EHHADH: variants seen among roughly 807,000 people sequenced by gnomAD.
EHHADH encodes the protein peroxisomal bifunctional enzyme.
EHHADH carries 48 observed loss-of-function variants against 64.4 expected under a neutral mutation model. That is an observed-to-expected ratio of 0.75 (90% CI 0.59 to 0.95). EHHADH has a LOEUF of 0.95. Ranked by LOEUF, EHHADH falls within the 40% of genes least tolerant of loss-of-function variation. EHHADH has a pLI of 0.00. For synonymous variants in EHHADH, 308 were observed against 326.7 expected (o/e 0.94, Z 0.62); for missense variants, 854 against 876.6 (o/e 0.97, Z 0.33).
At chr3:185,215,544 T>A (rs1210313429) in intron 5 of EHHADH, among the ~76,000 whole-genome samples, 3 of 152,184 alleles carry the variant, frequency 2.0e-5, no homozygotes, top group African/African-American at 7.2e-5. Flanking sequence ...AGAATACTTT[T>A]TAGGGTGATA....
intron 5 of EHHADH, among the ~76,000 whole-genome samples, chr3:185,206,829 A>C (rs1391004953): frequency 1.3e-5 from 2 of 151,488 alleles, no homozygotes; most frequent in Non-Finnish European, 2.9e-5. Context: ...CTCTGTCTCC[A>C]AAAAAAACAG....
At chr3:185,217,741 T>C (rs1004451412) in intron 5 of EHHADH, among the ~76,000 whole-genome samples, 2 of 144,666 alleles carry the variant, frequency 1.4e-5, no homozygotes, top group African/African-American at 5.1e-5. Flanking sequence ...TTTTTCTTTA[T>C]AAATTACCCA....
chr3:185,204,775 G>A lies in EHHADH; in HGVS notation c.569-18C>T, dbSNP rs1256409409. The A allele has an allele frequency of 6.4e-7, 1 of 1,564,042 alleles. No homozygotes were observed. Among genetic ancestry groups the A allele is most frequent in the Non-Finnish European group, 8.7e-7 (1 of 1,149,146 alleles). On this transcript the variant is annotated intron_variant, in intron 5 of 6. Coordinates refer to ENST00000231887, the MANE Select transcript of EHHADH (RefSeq NM_001966.4). The stretch of plus-strand genomic sequence containing the variant: ...AGGTTGATCTGAAAGGAATAAGAAG[G>A]ATCAGAGCTTTGGAAATGTTACTTG...
At position 185,235,635 on chromosome 3, in the gene EHHADH, T is replaced by C. The variant is rs151296084; in HGVS notation, c.179-173A>G. On this transcript the variant is annotated intron_variant, in intron 2 of 6. Coordinates refer to ENST00000231887, the MANE Select transcript of EHHADH (RefSeq NM_001966.4). ...GACCTCTTTGGGCCCTTACACTTCA[T>C]CCTTGGCTGAAAACAAGTATATTGG... Among the ~76,000 whole-genome samples, 1,121 of 152,324 alleles carry C rather than the reference T, an allele frequency of 7.4e-3. 17 individuals carry two copies. The highest frequency in any genetic ancestry group is 0.026 in the African/African-American group (1,079 of 41,564).
intron 3 of EHHADH, among the ~76,000 whole-genome samples, chr3:185,234,347 T>G (rs1719223202): frequency 6.6e-6 from 1 of 152,168 alleles, no homozygotes; most frequent in Admixed American, 6.6e-5. Flanking sequence ...CAGAAATCTT[T>G]GAGTTATCAA....
intron 2 of EHHADH, among the ~76,000 whole-genome samples, chr3:185,238,406 T>G (rs1308869312): frequency 6.6e-6 from 1 of 152,124 alleles, no homozygotes; most frequent in African/African-American, 2.4e-5. Flanking sequence ...TTTCTCTGCA[T>G]CCTTGCCAAC....
At chr3:185,224,838 T>C (rs1718930312) in intron 4 of EHHADH, among the ~76,000 whole-genome samples, 4 of 152,312 alleles carry the variant, frequency 2.6e-5, no homozygotes, top group African/African-American at 7.2e-5. Context: ...TTCTCTGACC[T>C]TCTGCTTCCC....
At position 185,223,904 on chromosome 3, in the gene EHHADH, G is replaced by A. The variant is rs552530559; in HGVS notation, c.463+5528C>T. Among the ~76,000 whole-genome samples the A allele has an allele frequency of 2.0e-5, 3 of 152,284 alleles. No individual in the cohort carries two copies. The South Asian group carries it at 6.2e-4, about 32-fold the overall frequency. ...GATTGGACAGAGAACATCAGCGAAC[G>A]AACTGCAATATGATCAGGCATATCC... On this transcript the variant is annotated intron_variant, in intron 4 of 6. Coordinates refer to ENST00000231887, the MANE Select transcript of EHHADH (RefSeq NM_001966.4).
At chr3:185,232,126 G>A (rs1260701227) in intron 3 of EHHADH, among the ~76,000 whole-genome samples, 1 of 152,130 alleles carries the variant, frequency 6.6e-6, no homozygotes, top group Non-Finnish European at 1.5e-5. Flanking sequence ...GTACTTAAAT[G>A]CGGACTGCCA....
At position 185,216,121 on chromosome 3, in the gene EHHADH, AT is replaced by A; in HGVS notation, c.568+2014del. ...GATGAAACACTATTTTGTAAGTTTT[AT>A]AAAGTAAAAATGCTTAATTTAATGT... On this transcript the variant is annotated intron_variant, in intron 5 of 6. Transcript: ENST00000231887. The surrounding 1 kb of genome is among the most constrained non-coding windows in gnomAD (Gnocchi z 5.3). Among the ~76,000 whole-genome samples the A allele has an allele frequency of 6.6e-6, 1 of 152,212 alleles. No individual in the cohort carries two copies. The highest frequency in any genetic ancestry group is 1.5e-5 in the Non-Finnish European group (1 of 68,038).
intron 6 of EHHADH, among the ~76,000 whole-genome samples, chr3:185,203,708 G>A (rs1033289071): frequency 2.6e-5 from 4 of 152,256 alleles, no homozygotes; most frequent in Admixed American, 6.5e-5. Flanking sequence ...TGAATGGATC[G>A]GGGGACGGAA....
intron 5 of EHHADH, among the ~76,000 whole-genome samples, chr3:185,209,309 T>G (rs935201902): frequency 6.6e-6 from 1 of 152,180 alleles, no homozygotes. Flanking sequence ...ATTTTCCATA[T>G]GTATTATATA....
intron 2 of EHHADH, 124 bp from the exon 3 acceptor site, chr3:185,235,586 G>C (rs1475883693): frequency 2.6e-5 from 22 of 843,702 alleles, no homozygotes; most frequent in Non-Finnish European, 3.6e-5. Flanking sequence ...ATTTTTTTTA[G>C]AGTTCCTGAT....
intron 5 of EHHADH, among the ~76,000 whole-genome samples, chr3:185,210,634 C>CAAA (rs34709334): frequency 1.2e-5 from 1 of 83,252 alleles, no homozygotes; most frequent in Non-Finnish European, 2.8e-5. Context: ...GACTCTGTCT[C>CAAA]AAAAAAAAAA....
chr3:185,210,162 A>G (rs908519561), intron 5 of EHHADH, among the ~76,000 whole-genome samples: 3 of 152,140 alleles, frequency 2.0e-5, no homozygotes, highest in African/African-American at 7.2e-5. Flanking sequence ...CAGCGCTGGG[A>G]TATCTTAGAG....
At position 185,191,292 on chromosome 3, in the gene EHHADH, A is replaced by C. The variant is rs1717860533; in HGVS notation, c.*934T>G. On this transcript the variant is annotated 3_prime_UTR_variant, in exon 7 of 7. Coordinates refer to ENST00000231887, the MANE Select transcript of EHHADH (RefSeq NM_001966.4). ...TTTTTATGGCTGAATAATATAGTCC[A>C]TTGTATGGATATACCAGATTTGGTT... The C allele has an allele frequency of 6.6e-6, 1 of 152,084 alleles. No individual in the cohort carries two copies. Among genetic ancestry groups the C allele is most frequent in the Non-Finnish European group, 1.5e-5 (1 of 68,042 alleles). 9.4% of individuals were successfully genotyped at this position (152,084 alleles called of 1,614,324 possible).
At chr3:185,246,434 C>A in intron 2 of EHHADH, 2 of 508,774 alleles carry the variant, frequency 3.9e-6, no homozygotes, top group Non-Finnish European at 3.2e-6. Flanking sequence ...CATCTCATCT[C>A]CAGATATGGA....
Position 185,192,652 on chromosome 3 carries a change from A to G in EHHADH, c.1746T>C (p.Tyr582=). ...TGTGAATCCTACCCAATGGCTTGTC[A>G]TATTGATACCAACCCTTACCTGTCT... ...GQKTGKGWYQ[Y]DKPLGRIHKP... Residue 582 remains tyrosine (Y), a synonymous_variant, in exon 7 of 7, where the codon TAT becomes TAC. Transcript: ENST00000231887. 6.2e-7 allele frequency: 1 copy of G among 1,614,216 alleles called. No homozygotes were observed. Among genetic ancestry groups the G allele is most frequent in the Non-Finnish European group, 8.5e-7 (1 of 1,180,042 alleles).
intron 3 of EHHADH, among the ~76,000 whole-genome samples, chr3:185,234,463 T>G (rs556059817): frequency 6.6e-6 from 1 of 152,156 alleles, no homozygotes; most frequent in Non-Finnish European, 1.5e-5. Flanking sequence ...GTACTGGAGG[T>G]AGAGTCTCGG....
Sources: gnomAD v4.1 joint callset for allele counts (sites outside exome capture counted in the v4.1 genomes callset) on GRCh38, gnomAD v4.1.1 for gene constraint, Gnocchi (gnomAD v3.1) non-coding constraint, MANE v1.5 for transcripts, NCBI Gene and HGNC (gene_info 2026-07-23, HGNC 2026-07-21) for gene names.